EYA2: variants seen among roughly 807,000 people sequenced by gnomAD.
The protein encoded by EYA2 is EYA transcriptional coactivator and phosphatase 2, also known as protein phosphatase EYA2.
EYA2 carries 31 observed loss-of-function variants against 69.2 expected under a neutral mutation model. The ratio of observed to expected loss-of-function variants is 0.45; its 90% CI spans 0.34 to 0.60. The LOEUF is 0.60. Ranked by LOEUF, EYA2 falls within the 20% of genes least tolerant of loss-of-function variation. The pLI is 0.02. For synonymous variants in EYA2, 257 were observed against 279.4 expected (o/e 0.92, Z 0.80); for missense variants, 622 against 701.2 (o/e 0.89, Z 1.28).
At chr20:47,159,437 TCA>T (rs1413995301) in intron 10 of EYA2, among the ~76,000 whole-genome samples, 2 of 151,884 alleles carry the variant, frequency 1.3e-5, no homozygotes, top group Non-Finnish European at 2.9e-5. Flanking sequence ...TGAGAAACTG[TCA>T]CAAACCAGAG....
At chr20:47,043,940 G>A (rs1011068288) in intron 5 of EYA2, among the ~76,000 whole-genome samples, 1 of 152,158 alleles carries the variant, frequency 6.6e-6, no homozygotes, top group Non-Finnish European at 1.5e-5. Context: ...ACATTACGAG[G>A]TGTTTGGATC....
chr20:47,037,259 T>C (rs1267938847), intron 5 of EYA2, among the ~76,000 whole-genome samples: 1 of 152,168 alleles, frequency 6.6e-6, no homozygotes, highest in Non-Finnish European at 1.5e-5. Context: ...GGATTGAGGA[T>C]TATAATTCAA....
At chr20:46,902,569 A>G (rs531735638) in intron 1 of EYA2, among the ~76,000 whole-genome samples, 1 of 152,356 alleles carries the variant, frequency 6.6e-6, no homozygotes, top group South Asian at 2.1e-4. Flanking sequence ...CCCGTGGTAT[A>G]ACAAGAACTT....
At chr20:46,971,256 T>C (rs1980129005) in intron 1 of EYA2, among the ~76,000 whole-genome samples, 1 of 152,184 alleles carries the variant, frequency 6.6e-6, no homozygotes, top group African/African-American at 2.4e-5. Context: ...TTTATTTCTC[T>C]CTCATCTAAG....
intron 5 of EYA2, among the ~76,000 whole-genome samples, chr20:47,067,082 C>A (rs931904028): frequency 5.3e-5 from 8 of 152,150 alleles, no homozygotes; most frequent in Non-Finnish European, 1.0e-4. Flanking sequence ...CTTCAGCTGA[C>A]CCTGGGTCAC....
At chr20:47,079,363 T>C (rs567304939) in intron 7 of EYA2, among the ~76,000 whole-genome samples, 127 of 152,328 alleles carry the variant, frequency 8.3e-4, no homozygotes, top group Non-Finnish European at 1.5e-3. Flanking sequence ...GTTATAGTAT[T>C]GGAGGCTCCA....
chr20:47,015,555 G>A (rs1983356456), intron 4 of EYA2, among the ~76,000 whole-genome samples: 1 of 152,124 alleles, frequency 6.6e-6, no homozygotes, highest in Non-Finnish European at 1.5e-5. Context: ...ACTCAGTGGA[G>A]TAGTGGGCTG....
At chr20:47,081,714 G>A (rs1359927639) in intron 7 of EYA2, among the ~76,000 whole-genome samples, 3 of 149,624 alleles carry the variant, frequency 2.0e-5, no homozygotes, top group African/African-American at 7.4e-5. Flanking sequence ...GGGAGGCAGA[G>A]GTTGCAGCGA....
At chr20:47,001,404 C>T (rs779758601) in intron 2 of EYA2, 24 bp from the exon 3 acceptor site, 5 of 1,612,854 alleles carry the variant, frequency 3.1e-6, no homozygotes, top group Non-Finnish European at 4.2e-6. Flanking sequence ...TAAAACTCTT[C>T]CAATTTTTCT....
chr20:47,076,855 T>C (rs778625934), intron 7 of EYA2, among the ~76,000 whole-genome samples: 10 of 152,154 alleles, frequency 6.6e-5, no homozygotes, highest in Non-Finnish European at 1.2e-4. Context: ...TACCCAGAGC[T>C]CAATCCTGTC....
At chr20:46,899,714 C>T (rs1428729245) in intron 1 of EYA2, among the ~76,000 whole-genome samples, 1 of 152,092 alleles carries the variant, frequency 6.6e-6, no homozygotes, top group African/African-American at 2.4e-5. Flanking sequence ...CCTCTTTGAA[C>T]GTTAAGGGAG....
At chr20:47,161,303 T>C in intron 10 of EYA2, 1 of 531,490 alleles carries the variant, frequency 1.9e-6, no homozygotes, top group Non-Finnish European at 3.5e-6. Context: ...TTGGAGCACT[T>C]AACACCCAGA....
intron 5 of EYA2, among the ~76,000 whole-genome samples, chr20:47,050,774 G>A (rs918519156): frequency 6.6e-6 from 1 of 152,218 alleles, no homozygotes; most frequent in South Asian, 2.1e-4. Context: ...TCTGCAGAAG[G>A]GCCCTTATTC....
At chr20:46,899,124 C>G (rs1377882614) in intron 1 of EYA2, among the ~76,000 whole-genome samples, 1 of 152,188 alleles carries the variant, frequency 6.6e-6, no homozygotes, top group Non-Finnish European at 1.5e-5. Flanking sequence ...AGTCGCAGGT[C>G]AAATGACCGA....
At chr20:47,182,191 T>G (rs2034550078) in intron 14 of EYA2, among the ~76,000 whole-genome samples, 1 of 151,896 alleles carries the variant, frequency 6.6e-6, no homozygotes. Flanking sequence ...AATTTTGTAT[T>G]TTTAGTAGAG....
intron 5 of EYA2, among the ~76,000 whole-genome samples, chr20:47,032,683 T>C (rs947021): frequency 0.88 from 134,670 of 152,172 alleles, 60,328 homozygotes; most frequent in Non-Finnish European, 0.97. Context: ...AGCCAGATGC[T>C]GGGGTTGAAT....
intron 5 of EYA2, among the ~76,000 whole-genome samples, chr20:47,020,608 C>A (rs1042237283): frequency 3.3e-5 from 5 of 152,090 alleles, no homozygotes; most frequent in African/African-American, 9.7e-5. Flanking sequence ...GGAAAAAAAT[C>A]TCCAGAGTGT....
At chr20:47,036,173 C>T (rs1248288600) in intron 5 of EYA2, among the ~76,000 whole-genome samples, 1 of 152,162 alleles carries the variant, frequency 6.6e-6, no homozygotes, top group Middle Eastern at 3.4e-3. Context: ...AGGGAGGAAG[C>T]GAGAAAGCTG....
chr20:47,040,698 TCAAG>T (rs1985012062), intron 5 of EYA2, among the ~76,000 whole-genome samples: 3 of 152,170 alleles, frequency 2.0e-5, no homozygotes, highest in Non-Finnish European at 4.4e-5. Context: ...CACAGAGACA[TCAAG>T]CAAGTTGCTT....
Sources: gnomAD v4.1 joint callset for allele counts (sites outside exome capture counted in the v4.1 genomes callset) on GRCh38, gnomAD v4.1.1 for gene constraint, MANE v1.5 for transcripts, NCBI Gene and HGNC (gene_info 2026-07-23, HGNC 2026-07-21) for gene names.